Variants in CASK observed in about 807,000 individuals in gnomAD.
The protein encoded by CASK is calcium/calmodulin dependent serine protein kinase.
Under a neutral mutation model 82.9 loss-of-function variants are expected in CASK, and 4 were observed. That is an observed-to-expected ratio of 0.05 (90% CI 0.02 to 0.11). The LOEUF (loss-of-function observed/expected upper bound fraction) is 0.11, where lower values mean the gene tolerates loss of function less well. Among genes scored for constraint, CASK ranks in the 10% least tolerant of loss-of-function variants. CASK has a pLI of 1.00. For missense variants in CASK, 358 were observed against 720.9 expected (o/e 0.50, Z 5.76); for synonymous variants, 259 against 253.5 (o/e 1.02, Z -0.20).
chrX:41,529,169 G>T (rs762660653), intron 25 of CASK, among the ~76,000 whole-genome samples: 31 of 111,939 alleles, frequency 2.8e-4, no homozygotes, highest in African/African-American at 9.7e-5. Context: ...CAGGAGAGAA[G>T]AGTGCAGGTG....
chrX:41,842,569 G>GAA (rs375808137), intron 2 of CASK, among the ~76,000 whole-genome samples: 1,857 of 94,138 alleles, frequency 0.02, 52 homozygotes, highest in African/African-American at 0.067. Context: ...CTGTCTCCAG[G>GAA]AAAAAAAAAA....
intron 19 of CASK, among the ~76,000 whole-genome samples, chrX:41,556,546 C>T (rs1019912065): frequency 3.6e-5 from 4 of 111,641 alleles, no homozygotes; most frequent in African/African-American, 1.3e-4. Flanking sequence ...AATATGTGCA[C>T]GTACCACAAT....
In CASK at chrX:41,792,377, A is replaced by G. The variant is rs1369037218; in HGVS notation, c.173-5094T>C. The stretch of plus-strand genomic sequence containing the variant: ...GTGATCATAGCTCACTGTAACCTTG[A>G]ACTCCTGGGCTCAAGGGATGCTCCC... On this transcript the variant is annotated intron_variant, in intron 2 of 26. Transcript: ENST00000378163. Among the ~76,000 whole-genome samples the G allele has an allele frequency of 2.8e-5, 3 of 106,422 alleles. No individual in the cohort carries two copies. In the East Asian group the frequency reaches 8.8e-4, roughly 31 times the overall value. The allele number at this position is 106,422 out of a possible 115,157, so 92.4% of individuals were successfully genotyped here.
chrX:41,739,521 G>T, intron 4 of CASK, 65 bp from the exon 5 acceptor site: 1 of 711,172 alleles, frequency 1.4e-6, no homozygotes, highest in Non-Finnish European at 2.2e-6. Flanking sequence ...AATATACAGT[G>T]CTCCTAGTTT....
At chrX:41,851,421 G>A (rs1383587092) in intron 2 of CASK, among the ~76,000 whole-genome samples, 1 of 111,696 alleles carries the variant, frequency 9.0e-6, no homozygotes, top group East Asian at 2.8e-4. Flanking sequence ...TATATACTAA[G>A]TACTTTCCCC....
rs371211972 is a variant in CASK, at chrX:41,761,444, C to T, written c.279-15843G>A. On this transcript the variant is annotated intron_variant, in intron 3 of 26. Coordinates refer to ENST00000378163, the MANE Select transcript of CASK (RefSeq NM_001367721.1). ...AACACACTGGGGATTACAAAATAAT[C>T]ATATGGTTAATTTTTTATTTTCTGC... 8.0e-5 allele frequency among the ~76,000 whole-genome samples: 9 copies of T among 111,817 alleles called. No homozygotes were observed. The South Asian group carries it at 1.5e-3, about 19-fold the overall frequency.
chrX:41,554,097 C>A (rs1160526326), intron 20 of CASK, among the ~76,000 whole-genome samples, 182 bp from the exon 21 acceptor site: 2 of 112,331 alleles, frequency 1.8e-5, no homozygotes, highest in African/African-American at 6.5e-5. Context: ...TACTAGTAAT[C>A]TTTGATGAGT....
rs772277600 is a variant in CASK at position 41,671,021 on chromosome X, T to C, written c.532+407A>G. 1.5e-4 allele frequency among the ~76,000 whole-genome samples: 17 copies of C among 112,360 alleles called. No homozygotes were observed. In the East Asian group the frequency reaches 4.5e-3, roughly 29 times the overall value. On this transcript the variant is annotated intron_variant, in intron 6 of 26. Transcript: ENST00000378163. ...AGGCTGATGGCTTGAGCAGGATTCT[T>C]TGATAAATGGAAAAAGGCAAACAGT...
rs1032007235 is a variant in CASK, at chrX:41,615,013, C to T, written c.1034-4988G>A. On this transcript the variant is annotated intron_variant, in intron 11 of 26. Coordinates refer to ENST00000378163, the MANE Select transcript of CASK (RefSeq NM_001367721.1). Reference sequence around the variant, plus strand: ...TAGAGATGGGGTTTTGTCATGTTGCCCAGGCTGGTCTTGGACTCCTGAGCT... The same window carrying T: ...TAGAGATGGGGTTTTGTCATGTTGCTCAGGCTGGTCTTGGACTCCTGAGCT... Among the ~76,000 whole-genome samples, 5 of 109,928 alleles carry T rather than the reference C, an allele frequency of 4.5e-5. No individual in the cohort carries two copies. The East Asian group carries it at 1.4e-3, about 31-fold the overall frequency.
intron 11 of CASK, among the ~76,000 whole-genome samples, chrX:41,616,928 T>C (rs1224867204): frequency 8.9e-6 from 1 of 112,625 alleles, no homozygotes; most frequent in Non-Finnish European, 1.9e-5. Flanking sequence ...TTATTGAATA[T>C]TCCTGCTTTT....
chrX:41,844,755 C>T (rs1378452194), intron 2 of CASK, among the ~76,000 whole-genome samples: 3 of 111,390 alleles, frequency 2.7e-5, no homozygotes, highest in Non-Finnish European at 3.8e-5. Flanking sequence ...GTTTTCTTTT[C>T]CAGTTTCTTA....
intron 12 of CASK, among the ~76,000 whole-genome samples, chrX:41,590,510 C>CAAAAAA (rs763695085): frequency 3.2e-4 from 10 of 31,259 alleles, no homozygotes; most frequent in African/African-American, 5.6e-4. Context: ...ATTCCGTCTC[C>CAAAAAA]AAAAAAAAAA....
chrX:41,812,945 T>C (rs1381828539), intron 2 of CASK, among the ~76,000 whole-genome samples: 4 of 111,272 alleles, frequency 3.6e-5, no homozygotes, highest in African/African-American at 9.8e-5. Flanking sequence ...TATACACCAA[T>C]AACAGACAAA....
rs184171653 is a variant in CASK, at chrX:41,885,149, G to A, written c.60-31922C>T. Among the ~76,000 whole-genome samples the A allele has an allele frequency of 4.7e-3, 522 of 111,891 alleles. 1 individual carries two copies. Among genetic ancestry groups the A allele is most frequent in the African/African-American group, 0.015 (460 of 30,787 alleles). On this transcript the variant is annotated intron_variant, in intron 1 of 26. Coordinates refer to ENST00000378163, the MANE Select transcript of CASK (RefSeq NM_001367721.1). ...ATTTGTCATCTATATGTTGCCCCATGTCTACTTCAGGCATGGTTAATCAAT... is the reference window on the plus strand; with the variant it reads ...ATTTGTCATCTATATGTTGCCCCATATCTACTTCAGGCATGGTTAATCAAT...
intron 21 of CASK, among the ~76,000 whole-genome samples, chrX:41,549,097 G>A (rs766990959): frequency 1.1e-4 from 12 of 111,482 alleles, no homozygotes; most frequent in African/African-American, 3.9e-4. Flanking sequence ...ATATTGAAGG[G>A]CTAAATTGAT....
Position 41,517,648 on chromosome X carries a change from A to G in CASK, c.*2772T>C, listed in dbSNP as rs1015687918. Reference sequence around the variant, plus strand: ...CCACTAATAAGATTTAGTACTCTAAACATTCATTCTGGTCTTTAAAAGAAA... The same window carrying G: ...CCACTAATAAGATTTAGTACTCTAAGCATTCATTCTGGTCTTTAAAAGAAA... On this transcript the variant is annotated 3_prime_UTR_variant, in exon 27 of 27. Transcript: ENST00000378163. The G allele has an allele frequency of 2.3e-6, 1 of 432,607 alleles. No individual in the cohort carries two copies. Among genetic ancestry groups the G allele is most frequent in the African/African-American group, 2.5e-5 (1 of 40,168 alleles). 35.7% of individuals were successfully genotyped at this position (432,607 alleles called of 1,213,427 possible).
At chrX:41,822,502 G>C (rs1162525661) in intron 2 of CASK, among the ~76,000 whole-genome samples, 1 of 95,095 alleles carries the variant, frequency 1.1e-5, no homozygotes, top group East Asian at 3.9e-4. Context: ...AGGTTGCAGT[G>C]AGTGGAGATG....
intron 1 of CASK, among the ~76,000 whole-genome samples, chrX:41,891,513 G>T (rs2072170181): frequency 9.0e-6 from 1 of 111,700 alleles, no homozygotes; most frequent in Admixed American, 9.5e-5. Flanking sequence ...AAAGAAAAGG[G>T]TCACACAATA....
At chrX:41,668,902 A>G (rs2067155946) in intron 6 of CASK, among the ~76,000 whole-genome samples, 1 of 109,945 alleles carries the variant, frequency 9.1e-6, no homozygotes, top group Non-Finnish European at 1.9e-5. Flanking sequence ...TAATTTTTGC[A>G]TCTTTTTGGA....
Sources: allele counts gnomAD v4.1 joint callset (sites outside exome capture counted in the v4.1 genomes callset), GRCh38; gene constraint gnomAD v4.1.1; transcripts MANE v1.5; gene names NCBI Gene and HGNC (gene_info 2026-07-23, HGNC 2026-07-21).